NTN1: variants seen among roughly 807,000 people sequenced by gnomAD.
NTN1 encodes netrin 1.
Under a neutral mutation model 54.2 loss-of-function variants are expected in NTN1, and 11 were observed. The observed-to-expected ratio is 0.20, with a 90% CI of 0.13 to 0.34. The LOEUF (loss-of-function observed/expected upper bound fraction) is 0.34, where lower values mean the gene tolerates loss of function less well. Ranked by LOEUF, NTN1 falls within the 10% of genes least tolerant of loss-of-function variation. The pLI is 1.00. For missense variants in NTN1, 740 were observed against 893.1 expected, an observed-to-expected ratio of 0.83 and a Z score of 2.18; for synonymous variants, 371 against 382.0, an observed-to-expected ratio of 0.97 and a Z score of 0.33.
intron 2 of NTN1, among the ~76,000 whole-genome samples, chr17:9,137,990 A>G (rs1207736936): frequency 6.6e-6 from 1 of 151,624 alleles, no homozygotes; most frequent in Non-Finnish European, 1.5e-5. Context: ...CCAGTCCTGA[A>G]GTGCAGTGGG....
intron 2 of NTN1, among the ~76,000 whole-genome samples, chr17:9,058,935 CCTGG>C (rs1248801754): frequency 1.3e-5 from 2 of 152,116 alleles, no homozygotes; most frequent in Non-Finnish European, 2.9e-5. Context: ...TCGGCCACTT[CCTGG>C]CTGTGGCTCT....
In NTN1 at chr17:9,229,145, G is replaced by A. The variant is rs115132416; in HGVS notation, c.1486+7903G>A. 3.9e-3 allele frequency among the ~76,000 whole-genome samples: 538 copies of A among 139,722 alleles called. 6 individuals carry two copies. The highest frequency in any genetic ancestry group is 0.012 in the African/African-American group (449 of 36,132). 91.7% of individuals were successfully genotyped at this position (139,722 alleles called of 152,430 possible). On this transcript the variant is annotated intron_variant, in intron 6 of 6. Transcript: ENST00000173229. ...GTGTTACTGTGAGTGTGTGACTGTG[G>A]CTGTTTGTGACTGTGTGAGACTGTG...
At chr17:9,121,647 G>A (rs993805837) in intron 2 of NTN1, among the ~76,000 whole-genome samples, 3 of 152,150 alleles carry the variant, frequency 2.0e-5, no homozygotes, top group African/African-American at 7.2e-5. Flanking sequence ...TACTCCATAG[G>A]AATGTGGCCT....
rs76688439 is a variant in NTN1 at position 9,199,695 on chromosome 17, A to G, written c.1411+16726A>G. Among the ~76,000 whole-genome samples the G allele has an allele frequency of 9.1e-3, 1,394 of 152,370 alleles. 19 individuals carry two copies. Among genetic ancestry groups the G allele is most frequent in the African/African-American group, 0.032 (1,344 of 41,594 alleles). On this transcript the variant is annotated intron_variant, in intron 5 of 6. Coordinates refer to ENST00000173229, the MANE Select transcript of NTN1 (RefSeq NM_004822.3). ...GTGTCCCATTGGCCAAGACTCAGTC[A>G]CATGACCACCCCAACTACAAGGGGG... is the stretch of plus-strand genomic sequence containing the variant.
At chr17:9,026,391 C>CCG (rs71361849) in intron 2 of NTN1, among the ~76,000 whole-genome samples, 3 of 137,916 alleles carry the variant, frequency 2.2e-5, no homozygotes, top group Non-Finnish European at 4.7e-5. Flanking sequence ...GGATTTCTTC[C>CCG]GGGGGGGGGG....
intron 2 of NTN1, among the ~76,000 whole-genome samples, chr17:9,139,351 A>G (rs2092290781): frequency 6.6e-6 from 1 of 151,758 alleles, no homozygotes; most frequent in Non-Finnish European, 1.5e-5. Flanking sequence ...GCAGAGGGAG[A>G]CCCTAACAGG....
chr17:9,074,738 C>T (rs2092043654), intron 2 of NTN1, among the ~76,000 whole-genome samples: 1 of 152,158 alleles, frequency 6.6e-6, no homozygotes, highest in Non-Finnish European at 1.5e-5. Context: ...GATCACTGAG[C>T]CTGTTCACCA....
At chr17:9,205,292 G>A (rs543012626) in intron 5 of NTN1, among the ~76,000 whole-genome samples, 2 of 152,296 alleles carry the variant, frequency 1.3e-5, no homozygotes, top group East Asian at 3.9e-4. Context: ...GAAGCTACAC[G>A]GAGGTTCTGC....
chr17:9,015,938 G>T, the NTN1 span, among the ~76,000 whole-genome samples: 1 of 152,042 alleles, frequency 6.6e-6, no homozygotes, highest in African/African-American at 2.4e-5. Context: ...GCCAGGCATG[G>T]TGGTGGGCGC....
chr17:9,180,666 C>T (rs936025570), intron 4 of NTN1, among the ~76,000 whole-genome samples: 11 of 152,294 alleles, frequency 7.2e-5, no homozygotes, highest in South Asian at 4.1e-4. Flanking sequence ...ACAGAAAGGA[C>T]GGACAGCCCA....
chr17:9,010,140 G>A, the NTN1 span, among the ~76,000 whole-genome samples: 2 of 152,168 alleles, frequency 1.3e-5, no homozygotes, highest in East Asian at 1.9e-4. Context: ...CAGTCACCAT[G>A]TCCCCAAGGA....
intron 2 of NTN1, among the ~76,000 whole-genome samples, chr17:9,073,095 T>C (rs960706497): frequency 1.7e-4 from 26 of 152,200 alleles, no homozygotes; most frequent in African/African-American, 6.0e-4. Context: ...CGAGCGGATA[T>C]TGAAAGCAGC....
intron 5 of NTN1, among the ~76,000 whole-genome samples, chr17:9,187,958 G>A (rs943395716): frequency 2.6e-5 from 4 of 152,300 alleles, no homozygotes; most frequent in East Asian, 1.9e-4. Context: ...TGAAATGTCC[G>A]GCAAAAGCAA....
chr17:9,082,715 T>TC (rs1020749039), intron 2 of NTN1, among the ~76,000 whole-genome samples: 10 of 150,776 alleles, frequency 6.6e-5, no homozygotes, highest in Non-Finnish European at 1.3e-4. Flanking sequence ...TTCTCGCCTT[T>TC]TTTTTTTTTT....
intron 2 of NTN1, among the ~76,000 whole-genome samples, chr17:9,098,127 A>G (rs530688932): frequency 5.9e-5 from 9 of 152,246 alleles, no homozygotes; most frequent in African/African-American, 2.2e-4. Flanking sequence ...TCAGTTCTTT[A>G]TTGTCACCTG....
chr17:9,008,833 A>G, the NTN1 span, among the ~76,000 whole-genome samples: 14 of 152,184 alleles, frequency 9.2e-5, no homozygotes, highest in Admixed American at 8.5e-4. Flanking sequence ...ATGTTAACGG[A>G]GGGGACTATG....
intron 5 of NTN1, among the ~76,000 whole-genome samples, chr17:9,188,504 G>A (rs1169188098): frequency 7.0e-6 from 1 of 143,782 alleles, no homozygotes; most frequent in Admixed American, 7.1e-5. Context: ...AAAGTCAAGT[G>A]CTTTGGGTCA....
intron 6 of NTN1, among the ~76,000 whole-genome samples, chr17:9,224,755 A>G (rs572470686): frequency 6.9e-4 from 103 of 149,578 alleles, no homozygotes; most frequent in African/African-American, 2.5e-3. Context: ...CCAGCTGTCC[A>G]CATTTCTGCT....
At chr17:9,029,598 C>T (rs115962439) in intron 2 of NTN1, among the ~76,000 whole-genome samples, 4,337 of 152,310 alleles carry the variant, frequency 0.028, 207 homozygotes, top group African/African-American at 0.099. Flanking sequence ...GTTTGACTTG[C>T]GTAGCACAAC....
Sources: gnomAD v4.1 joint callset for allele counts (sites outside exome capture counted in the v4.1 genomes callset) on GRCh38, gnomAD v4.1.1 for gene constraint, MANE v1.5 for transcripts, NCBI Gene and HGNC (gene_info 2026-07-23, HGNC 2026-07-21) for gene names.